The following ZNF407 variants were observed in gnomAD, a reference collection of about 807,000 sequenced individuals.
ZNF407 encodes zinc finger protein 407.
In ZNF407, 17 loss-of-function variants were observed where a neutral mutation model predicts 131.2. That is an observed-to-expected ratio of 0.13 (90% CI 0.09 to 0.19). The LOEUF (loss-of-function observed/expected upper bound fraction) is 0.19, where lower values mean the gene tolerates loss of function less well. Ranked by LOEUF, ZNF407 falls within the 10% of genes least tolerant of loss-of-function variation. ZNF407 has a pLI of 1.00. For synonymous variants in ZNF407, 1,156 were observed against 1,062.0 expected, an observed-to-expected ratio of 1.09 and a Z score of -1.72; for missense variants, 2,681 against 2,830.6, an observed-to-expected ratio of 0.95 and a Z score of 1.20.
At chr18:74,641,747 G>C (rs1984730773) in intron 3 of ZNF407, among the ~76,000 whole-genome samples, 1 of 152,104 alleles carries the variant, frequency 6.6e-6, no homozygotes, top group African/African-American at 2.4e-5. Context: ...AAAGTGCTAA[G>C]GTGCCTTAAT....
chr18:74,754,655 G>T (rs1243658217), intron 3 of ZNF407, among the ~76,000 whole-genome samples: 7 of 152,122 alleles, frequency 4.6e-5, no homozygotes, highest in East Asian at 1.9e-4. Context: ...GTAGTTGTGT[G>T]GTTTCGAGTG....
At chr18:74,695,918 C>CT (rs1400646758) in intron 3 of ZNF407, among the ~76,000 whole-genome samples, 1 of 152,144 alleles carries the variant, frequency 6.6e-6, no homozygotes. Flanking sequence ...TGTAGTGTTT[C>CT]TTTTAAGTTG....
At chr18:74,650,408 G>A (rs1222051537) in intron 3 of ZNF407, among the ~76,000 whole-genome samples, 1 of 152,292 alleles carries the variant, frequency 6.6e-6, no homozygotes, top group Non-Finnish European at 1.5e-5. Context: ...TTGAATTGCT[G>A]CAGTACTTCA....
intron 8 of ZNF407, among the ~76,000 whole-genome samples, chr18:74,929,788 A>G (rs1443974183): frequency 6.6e-6 from 1 of 152,218 alleles, no homozygotes; most frequent in African/African-American, 2.4e-5. Context: ...TTAGCTTTGA[A>G]ATGTAGTTCA....
chr18:74,707,606 C>T (rs1967656805), intron 3 of ZNF407, among the ~76,000 whole-genome samples: 1 of 152,126 alleles, frequency 6.6e-6, no homozygotes, highest in South Asian at 2.1e-4. Context: ...TAGAGATGCT[C>T]AGCTTGTATT....
At chr18:74,648,817 A>T (rs1304305945) in intron 3 of ZNF407, among the ~76,000 whole-genome samples, 1 of 152,172 alleles carries the variant, frequency 6.6e-6, no homozygotes, top group Non-Finnish European at 1.5e-5. Context: ...GATCCTCTGG[A>T]TGGGCAATTT....
chr18:74,876,767 G>C (rs555356281), intron 4 of ZNF407, among the ~76,000 whole-genome samples: 1 of 152,156 alleles, frequency 6.6e-6, no homozygotes, highest in East Asian at 1.9e-4. Flanking sequence ...CAAGGCCGCC[G>C]GGTGCATGCA....
At position 75,064,224 on chromosome 18, in the gene ZNF407, C is replaced by T. The variant is rs745331996; in HGVS notation, c.6503C>T (p.Thr2168Met). The T allele has an allele frequency of 1.6e-5, 25 of 1,606,648 alleles. No individual in the cohort carries two copies. The highest frequency in any genetic ancestry group is 5.6e-5 in the South Asian group (5 of 89,922). The change falls in exon 9 of 9, where the codon ACG (threonine) becomes ATG (methionine). Residue 2168 changes from threonine (T) to methionine (M), a missense_variant. Coordinates refer to ENST00000299687, the MANE Select transcript of ZNF407 (RefSeq NM_017757.3). ...AGTGGCGGCTTCTCCGAGGGCACCACGCACTACATCCTGACAGAGCTGCCC... is the reference window on the plus strand; with the variant it reads ...AGTGGCGGCTTCTCCGAGGGCACCATGCACTACATCCTGACAGAGCTGCCC... ...ESSGGFSEGT[T>M]HYILTELPPG...
Position 74,708,255 on chromosome 18 carries a change from A to G in ZNF407, c.4802+67133A>G, listed in dbSNP as rs574117318. The stretch of plus-strand genomic sequence containing the variant: ...TGTGCAAAATTAAATTTATATGCCA[A>G]CAAATAGGAAATATAATGACTTAGG... On this transcript the variant is annotated intron_variant, in intron 3 of 8. Coordinates refer to ENST00000299687, the MANE Select transcript of ZNF407 (RefSeq NM_017757.3). 9.6e-4 allele frequency among the ~76,000 whole-genome samples: 146 copies of G among 152,328 alleles called. 1 individual carries two copies. The highest frequency in any genetic ancestry group is 3.4e-3 in the African/African-American group (142 of 41,570).
At chr18:74,988,499 T>C (rs1045519657) in intron 8 of ZNF407, among the ~76,000 whole-genome samples, 8 of 150,512 alleles carry the variant, frequency 5.3e-5, no homozygotes, top group African/African-American at 1.9e-4. Context: ...TATAAAATAG[T>C]TTTTATATAT....
chr18:74,858,942 A>G (rs564451853), intron 4 of ZNF407, among the ~76,000 whole-genome samples: 6 of 151,408 alleles, frequency 4.0e-5, no homozygotes, highest in South Asian at 2.1e-4. Flanking sequence ...AAATTTCCTT[A>G]TCTGAGCAAC....
At chr18:74,643,941 T>C (rs1260631008) in intron 3 of ZNF407, among the ~76,000 whole-genome samples, 3 of 151,954 alleles carry the variant, frequency 2.0e-5, no homozygotes, top group Admixed American at 6.6e-5. Flanking sequence ...TTAACTACCG[T>C]ATATCTTGGG....
chr18:74,772,054 C>T (rs1299373027), intron 3 of ZNF407, among the ~76,000 whole-genome samples: 1 of 152,232 alleles, frequency 6.6e-6, no homozygotes, highest in East Asian at 1.9e-4. Context: ...GGTGGAGAGA[C>T]TTCTGTATAA....
rs770589630 is a variant in ZNF407, at chr18:74,920,500, G to A, written c.5250-14G>A. The A allele has an allele frequency of 1.3e-6, 2 of 1,560,814 alleles. No individual in the cohort carries two copies. The highest frequency in any genetic ancestry group is 1.7e-6 in the Non-Finnish European group (2 of 1,144,206). On this transcript the variant is annotated splice_polypyrimidine_tract_variant and intron_variant, in intron 7 of 8. Transcript: ENST00000299687. ...TGACCTTAATTAGATTTACTTTTCT[G>A]TCTTACTTGGTAGGTCAAACTGTGC...
intron 6 of ZNF407, among the ~76,000 whole-genome samples, chr18:74,887,781 G>A (rs1971330464): frequency 6.6e-6 from 1 of 152,034 alleles, no homozygotes; most frequent in Non-Finnish European, 1.5e-5. Context: ...TGCATGTTTG[G>A]TGGTATTATT....
At chr18:74,781,350 A>G in intron 3 of ZNF407, 78 bp from the exon 4 acceptor site, 1 of 993,156 alleles carries the variant, frequency 1.0e-6, no homozygotes, top group Non-Finnish European at 1.5e-6. Context: ...TATATATATT[A>G]TTCTTAAGTT....
At chr18:74,853,156 C>T (rs1244454488) in intron 4 of ZNF407, among the ~76,000 whole-genome samples, 6 of 152,096 alleles carry the variant, frequency 3.9e-5, no homozygotes, top group African/African-American at 1.2e-4. Context: ...ATTAGAATGG[C>T]TTTTATCATA....
chr18:74,758,800 G>A (rs180915471), intron 3 of ZNF407, among the ~76,000 whole-genome samples: 130 of 152,092 alleles, frequency 8.5e-4, no homozygotes, highest in African/African-American at 2.8e-3. Context: ...GGCTGGTCTC[G>A]AACTCCTGAC....
intron 6 of ZNF407, among the ~76,000 whole-genome samples, chr18:74,885,425 G>A (rs555470554): frequency 3.9e-5 from 6 of 152,174 alleles, no homozygotes; most frequent in South Asian, 2.1e-4. Flanking sequence ...TTTCCATTTC[G>A]TTCACATCGA....
Sources: allele counts gnomAD v4.1 joint callset (sites outside exome capture counted in the v4.1 genomes callset), GRCh38; gene constraint gnomAD v4.1.1; transcripts MANE v1.5; gene names NCBI Gene and HGNC (gene_info 2026-07-23, HGNC 2026-07-21).